The following C5orf46 variants were observed in gnomAD, a reference collection of about 807,000 sequenced individuals.
The protein encoded by C5orf46 is uncharacterized protein C5orf46.
Under a neutral mutation model 8.9 loss-of-function variants are expected in C5orf46, and 9 were observed. The observed-to-expected ratio is 1.01, with a 90% CI of 0.61 to 1.76. C5orf46 has a LOEUF of 1.76. Among genes scored for constraint, C5orf46 ranks in the 40% most tolerant of loss-of-function variants. C5orf46 has a pLI of 0.00. For synonymous variants in C5orf46, 47 were observed against 41.4 expected (o/e 1.14, Z -0.52); for missense variants, 98 against 107.8 (o/e 0.91, Z 0.40).
downstream of C5orf46, among the ~76,000 whole-genome samples, chr5:147,891,681 T>C (rs1299308878): frequency 6.6e-6 from 1 of 152,186 alleles, no homozygotes; most frequent in Non-Finnish European, 1.5e-5. Context: ...AAAAGAGATT[T>C]TGCAGCCACA....
intron 2 of C5orf46, among the ~76,000 whole-genome samples, chr5:147,898,398 G>A (rs73263249): frequency 0.067 from 10,253 of 152,062 alleles, 812 homozygotes; most frequent in African/African-American, 0.2. Flanking sequence ...GATTCTGGGT[G>A]GATGATGATG....
downstream of C5orf46, among the ~76,000 whole-genome samples, chr5:147,888,889 C>T (rs13435996): frequency 0.034 from 5,221 of 152,094 alleles, 295 homozygotes; most frequent in African/African-American, 0.12. Context: ...TTTTGTACAT[C>T]AGTTATAAGT....
At chr5:147,903,896 T>C (rs887718764) in intron 1 of C5orf46, among the ~76,000 whole-genome samples, 4 of 152,138 alleles carry the variant, frequency 2.6e-5, no homozygotes, top group African/African-American at 9.7e-5. Flanking sequence ...GACAGGCATA[T>C]GCCACCACAG....
At chr5:147,897,100 G>T in intron 2 of C5orf46, 59 bp from the exon 3 acceptor site, 1 of 768,064 alleles carries the variant, frequency 1.3e-6, no homozygotes, top group South Asian at 1.8e-5. Flanking sequence ...GTGTTAGAAT[G>T]ATCACTAAGG....
chr5:147,890,014 C>T (rs1757479168), downstream of C5orf46, among the ~76,000 whole-genome samples: 1 of 152,164 alleles, frequency 6.6e-6, no homozygotes, highest in Non-Finnish European at 1.5e-5. Context: ...CTTCCTTCTC[C>T]TTCTCCATGT....
At chr5:147,895,507 C>T (rs1361765921) in intron 3 of C5orf46, among the ~76,000 whole-genome samples, 3 of 152,132 alleles carry the variant, frequency 2.0e-5, no homozygotes, top group Non-Finnish European at 4.4e-5. Context: ...GGTAAAGTGG[C>T]CTGACCACGG....
intron 2 of C5orf46, chr5:147,886,135 T>C (rs189985345): frequency 6.6e-6 from 1 of 152,132 alleles, no homozygotes; most frequent in African/African-American, 2.4e-5. Flanking sequence ...GACAAAATTA[T>C]AGAAATAAAG....
At chr5:147,892,258 G>A (rs1364143151), downstream of C5orf46, among the ~76,000 whole-genome samples, 1 of 152,162 alleles carries the variant, frequency 6.6e-6, no homozygotes, top group Non-Finnish European at 1.5e-5. Context: ...TAATAAGGTG[G>A]TGGCACGAAA....
intron 1 of C5orf46, among the ~76,000 whole-genome samples, chr5:147,902,594 TA>T (rs1463486417): frequency 2.0e-5 from 3 of 152,204 alleles, no homozygotes; most frequent in African/African-American, 7.2e-5. Flanking sequence ...AATTTAAAGG[TA>T]AAGTAATATA....
At chr5:147,893,328 G>C (rs1040389536) in intron 3 of C5orf46, among the ~76,000 whole-genome samples, 4 of 147,710 alleles carry the variant, frequency 2.7e-5, no homozygotes, top group African/African-American at 7.6e-5. Flanking sequence ...CTGTTGCCCA[G>C]GCTGGAGTGC....
intron 3 of C5orf46, among the ~76,000 whole-genome samples, chr5:147,896,180 A>G (rs1434063853): frequency 4.6e-5 from 7 of 152,196 alleles, no homozygotes; most frequent in African/African-American, 9.6e-5. Flanking sequence ...TGTTTCCAGT[A>G]GCACTATGGC....
At chr5:147,898,818 T>C (rs1757623093) in intron 2 of C5orf46, among the ~76,000 whole-genome samples, 1 of 152,112 alleles carries the variant, frequency 6.6e-6, no homozygotes, top group Admixed American at 6.6e-5. Context: ...AGAATATGTA[T>C]ATTTTTCAGA....
chr5:147,889,960 T>C (rs926682152), downstream of C5orf46, among the ~76,000 whole-genome samples: 1 of 152,200 alleles, frequency 6.6e-6, no homozygotes, highest in African/African-American at 2.4e-5. Context: ...AGCATTGCCA[T>C]AGTCTGAGTT....
At chr5:147,890,376 T>C (rs1443605557), downstream of C5orf46, among the ~76,000 whole-genome samples, 1 of 152,166 alleles carries the variant, frequency 6.6e-6, no homozygotes, top group Non-Finnish European at 1.5e-5. Flanking sequence ...TTCTAATTGC[T>C]CATGATTGCA....
downstream of C5orf46, among the ~76,000 whole-genome samples, chr5:147,889,594 C>T (rs964448764): frequency 3.9e-5 from 6 of 152,104 alleles, no homozygotes; most frequent in Admixed American, 6.6e-5. Flanking sequence ...CCATGGCACA[C>T]GTTTATCTAT....
intron 2 of C5orf46, among the ~76,000 whole-genome samples, chr5:147,897,810 A>C (rs1342274964): frequency 6.6e-6 from 1 of 152,124 alleles, no homozygotes. Flanking sequence ...AAGTGAACAG[A>C]GTGGGGTTTT....
chr5:147,892,332 A>T (rs895690643), downstream of C5orf46, among the ~76,000 whole-genome samples: 1 of 152,232 alleles, frequency 6.6e-6, no homozygotes, highest in Non-Finnish European at 1.5e-5. Flanking sequence ...TGAGAAAAAT[A>T]GTGACTCTGT....
Position 147,901,772 on chromosome 5 carries a change from G to A in C5orf46, c.72C>T (p.Asp24=), listed in dbSNP as rs753733525. Residue 24 remains aspartate (D), a splice_region_variant and synonymous_variant, in exon 2 of 4, where the codon GAC becomes GAT. Coordinates refer to ENST00000318315, the MANE Select transcript of C5orf46 (RefSeq NM_206966.3). The stretch of plus-strand genomic sequence containing the variant: ...TGTCGTCTGGCTTGTCTGGTTTGTC[G>A]TCTGAAAAACAACAGAATCTCAGAG... ...LLVLFLTCYA[D]DKPDKPDDKP... is the part of the protein sequence containing the mutation. The A allele has an allele frequency of 6.2e-6, 10 of 1,613,026 alleles. No individual in the cohort carries two copies. The highest frequency in any genetic ancestry group is 5.0e-5 in the Admixed American group (3 of 59,866).
intron 3 of C5orf46, among the ~76,000 whole-genome samples, chr5:147,896,019 T>C (rs915223779): frequency 6.6e-6 from 1 of 152,096 alleles, no homozygotes; most frequent in African/African-American, 2.4e-5. Flanking sequence ...CAAACAGAAG[T>C]TGGGAAAGGC....
Sources: allele counts gnomAD v4.1 joint callset (sites outside exome capture counted in the v4.1 genomes callset), GRCh38; gene constraint gnomAD v4.1.1; transcripts MANE v1.5; gene names NCBI Gene and HGNC (gene_info 2026-07-23, HGNC 2026-07-21).